CNTNAP2: variants seen among roughly 807,000 people sequenced by gnomAD.
The protein encoded by CNTNAP2 is contactin associated protein 2.
CNTNAP2 carries 98 observed loss-of-function variants against 155.2 expected under a neutral mutation model. The observed-to-expected ratio is 0.63, with a 90% confidence interval of 0.54 to 0.75. CNTNAP2 has a LOEUF of 0.75. Among genes scored for constraint, CNTNAP2 ranks in the 30% least tolerant of loss-of-function variants. The probability of loss-of-function intolerance (pLI) is 0.00; values close to 1 mark genes in which losing one functional copy is unlikely to be tolerated. For synonymous variants in CNTNAP2, 651 were observed against 631.2 expected, an observed-to-expected ratio of 1.03 and a Z score of -0.47; for missense variants, 1,727 against 1,688.1, an observed-to-expected ratio of 1.02 and a Z score of -0.40.
At chr7:146,867,912 G>A (rs73170374) in intron 3 of CNTNAP2, among the ~76,000 whole-genome samples, 10,120 of 148,854 alleles carry the variant, frequency 0.068, 417 homozygotes, top group South Asian at 0.13. Flanking sequence ...TATAGATACT[G>A]GGTATTAGAC....
intron 1 of CNTNAP2, among the ~76,000 whole-genome samples, chr7:146,727,020 T>G (rs1236738268): frequency 6.6e-6 from 1 of 152,164 alleles, no homozygotes; most frequent in East Asian, 1.9e-4. Flanking sequence ...AAGAGATTGA[T>G]TTTTGCTTTT....
At chr7:147,596,725 A>T (rs1422433954) in intron 12 of CNTNAP2, among the ~76,000 whole-genome samples, 1 of 152,128 alleles carries the variant, frequency 6.6e-6, no homozygotes, top group African/African-American at 2.4e-5. Context: ...TAAGGCTGAG[A>T]CCTACTGAGC....
chr7:147,431,321 G>A (rs1797462647), intron 10 of CNTNAP2, among the ~76,000 whole-genome samples: 1 of 151,976 alleles, frequency 6.6e-6, no homozygotes, highest in Non-Finnish European at 1.5e-5. Flanking sequence ...AATAGAGATG[G>A]TGTCTCTCTA....
chr7:148,213,202 G>T (rs375234163), intron 18 of CNTNAP2, among the ~76,000 whole-genome samples: 1 of 152,076 alleles, frequency 6.6e-6, no homozygotes, highest in South Asian at 2.1e-4. Flanking sequence ...TGCGAAAAAT[G>T]CTGCTTCTCC....
intron 14 of CNTNAP2, among the ~76,000 whole-genome samples, chr7:147,966,603 G>T (rs757846459): frequency 6.6e-6 from 1 of 152,088 alleles, no homozygotes; most frequent in African/African-American, 2.4e-5. Context: ...GTGTCACCCA[G>T]TTACCCTCCT....
At chr7:147,111,596 T>C (rs1800881413) in intron 5 of CNTNAP2, among the ~76,000 whole-genome samples, 1 of 152,230 alleles carries the variant, frequency 6.6e-6, no homozygotes. Flanking sequence ...GACTAGCCAG[T>C]TCTTCCAGCA....
At chr7:146,331,303 C>CA (rs771258929) in intron 1 of CNTNAP2, among the ~76,000 whole-genome samples, 4,104 of 58,284 alleles carry the variant, frequency 0.07, 182 homozygotes, top group African/African-American at 0.15. Flanking sequence ...GACTCCGTCT[C>CA]AAAAAAAAAA....
chr7:147,167,559 G>T, intron 8 of CNTNAP2: 1 of 798,828 alleles, frequency 1.3e-6, no homozygotes, highest in Non-Finnish European at 2.0e-6. Flanking sequence ...TGCTCTCCCA[G>T]ATGACGATGA....
At chr7:147,589,224 C>G (rs1477354585) in intron 12 of CNTNAP2, among the ~76,000 whole-genome samples, 1 of 152,128 alleles carries the variant, frequency 6.6e-6, no homozygotes, top group African/African-American at 2.4e-5. Flanking sequence ...TCAAATCAGA[C>G]AGCTGGTTAG....
chr7:146,845,606 A>G (rs73170360), intron 3 of CNTNAP2, among the ~76,000 whole-genome samples: 9,327 of 152,260 alleles, frequency 0.061, 438 homozygotes, highest in South Asian at 0.14. Flanking sequence ...CAGAATTTTT[A>G]GTCACCCTCT....
At chr7:147,828,657 C>T (rs77627573) in intron 13 of CNTNAP2, among the ~76,000 whole-genome samples, 3 of 152,028 alleles carry the variant, frequency 2.0e-5, no homozygotes, top group African/African-American at 4.8e-5. Flanking sequence ...TTGCTATTAC[C>T]CCATGCTACA....
At chr7:148,114,654 G>A (rs1381158285) in intron 15 of CNTNAP2, among the ~76,000 whole-genome samples, 2 of 152,150 alleles carry the variant, frequency 1.3e-5, no homozygotes, top group Non-Finnish European at 2.9e-5. Flanking sequence ...ACTCAGAGAT[G>A]GTGACCATGG....
At chr7:146,921,866 C>G (rs955629668) in intron 3 of CNTNAP2, among the ~76,000 whole-genome samples, 9 of 152,108 alleles carry the variant, frequency 5.9e-5, no homozygotes, top group African/African-American at 2.2e-4. Flanking sequence ...AAATAAGCTT[C>G]TGTGAATTTT....
At chr7:146,179,275 TTAA>T (rs1798515873) in intron 1 of CNTNAP2, among the ~76,000 whole-genome samples, 1 of 152,072 alleles carries the variant, frequency 6.6e-6, no homozygotes, top group African/African-American at 2.4e-5. Context: ...CATGGATGAC[TTAA>T]TAACTTGGGA....
At chr7:147,200,837 T>C (rs1438504019) in intron 8 of CNTNAP2, among the ~76,000 whole-genome samples, 1 of 152,226 alleles carries the variant, frequency 6.6e-6, no homozygotes, top group Non-Finnish European at 1.5e-5. Context: ...TACATTTGTA[T>C]GGAGAAGAGA....
At chr7:146,346,935 T>C (rs1794827277) in intron 1 of CNTNAP2, among the ~76,000 whole-genome samples, 1 of 151,204 alleles carries the variant, frequency 6.6e-6, no homozygotes. Context: ...TTTTTATTGT[T>C]TTTTATTTTA....
At chr7:146,642,794 AT>A (rs952481416) in intron 1 of CNTNAP2, among the ~76,000 whole-genome samples, 1 of 151,706 alleles carries the variant, frequency 6.6e-6, no homozygotes, top group Non-Finnish European at 1.5e-5. Flanking sequence ...AAGTGTTCCT[AT>A]TTCTCCACAT....
intron 8 of CNTNAP2, among the ~76,000 whole-genome samples, chr7:147,213,921 C>T (rs1803209587): frequency 6.6e-6 from 1 of 152,060 alleles, no homozygotes; most frequent in Non-Finnish European, 1.5e-5. Context: ...ATCCCAGCTC[C>T]AAGAGAAAGA....
chr7:147,857,754 A>G (rs1216179024), intron 13 of CNTNAP2, among the ~76,000 whole-genome samples: 2 of 152,338 alleles, frequency 1.3e-5, no homozygotes, highest in Non-Finnish European at 2.9e-5. Flanking sequence ...CTGACACAAC[A>G]AAATATCAAT....
Sources: gnomAD v4.1 joint callset for allele counts (sites outside exome capture counted in the v4.1 genomes callset) on GRCh38, gnomAD v4.1.1 for gene constraint, MANE v1.5 for transcripts, NCBI Gene and HGNC (gene_info 2026-07-23, HGNC 2026-07-21) for gene names.